LYSMD3: variants seen among roughly 807,000 people sequenced by gnomAD.
LYSMD3 encodes lysM and putative peptidoglycan-binding domain-containing protein 3.
In LYSMD3, 13 loss-of-function variants were observed where a neutral mutation model predicts 26.1. That is an observed-to-expected ratio of 0.50 (90% confidence interval 0.32 to 0.79). The LOEUF (loss-of-function observed/expected upper bound fraction) is 0.79. LYSMD3 is among the 30% of genes least tolerant of loss of function. LYSMD3 has a pLI of 0.03. For synonymous variants in LYSMD3, 109 were observed against 119.4 expected (o/e 0.91, Z 0.57); for missense variants, 331 against 362.5 (o/e 0.91, Z 0.71).
chr5:90,523,597 T>C (rs1753145007), intron 2 of LYSMD3, among the ~76,000 whole-genome samples: 1 of 151,956 alleles, frequency 6.6e-6, no homozygotes, highest in East Asian at 1.9e-4. Flanking sequence ...AAAAAAGAGC[T>C]CTCATACACA....
chr5:90,529,476 G>C lies in LYSMD3; in HGVS notation c.-40C>G, dbSNP rs764794721. On this transcript the variant is annotated 5_prime_UTR_variant, in exon 1 of 3. Transcript: ENST00000315948. ...TCCCCGTTAGCAGGGAGCACTCTGC[G>C]AGAAGATGGCCAAAAGGTCCGCCGC... is the stretch of plus-strand genomic sequence containing the variant. The C allele has an allele frequency of 4.4e-6, 2 of 456,688 alleles. No individual in the cohort carries two copies. The highest frequency in any genetic ancestry group is 3.1e-5 in the South Asian group (2 of 64,572). The allele number at this position is 456,688 out of a possible 1,614,324, so 28.3% of individuals were successfully genotyped here. A position where few individuals can be genotyped will look rare whatever the true frequency, so the allele number is the denominator to read the frequency against.
chr5:90,526,282 G>C (rs1331666257), intron 1 of LYSMD3, among the ~76,000 whole-genome samples: 1 of 152,126 alleles, frequency 6.6e-6, no homozygotes, highest in Non-Finnish European at 1.5e-5. Flanking sequence ...CCAACTTAGA[G>C]TCCTCATCAA....
rs763924148 is a variant in LYSMD3, at chr5:90,519,386, G to A, written c.354C>T (p.Thr118=). 4.1e-5 allele frequency: 66 copies of A among 1,613,718 alleles called. No homozygotes were observed. The highest frequency in any genetic ancestry group is 1.0e-4 in the Admixed American group (6 of 59,978). The change falls in exon 3 of 3, where the codon ACC becomes ACT. Residue 118 remains threonine (T), a synonymous_variant. Coordinates refer to ENST00000315948, the MANE Select transcript of LYSMD3 (RefSeq NM_198273.2). Reference sequence around the variant, plus strand: ...TTCCTTTTGGAGGACAAAGTGTTTCGGTCAAGGAACTGAACTTTTTTACTG... The same window carrying A: ...TTCCTTTTGGAGGACAAAGTGTTTCAGTCAAGGAACTGAACTTTTTTACTG... ...KIPVKKFSSL[T]ETLCPPKGRQ...
chr5:90,519,182 T>C lies in LYSMD3; in HGVS notation c.558A>G (p.Val186=). The part of the protein sequence containing the change: ...DNKRENLNEV[V]SALTAQQMRF... ...GCATTTGTTGTGCTGTTAAGGCCGA[T>C]ACTACCTCATTGAGGTTCTCTCTCT... The change falls in exon 3 of 3, where the codon GTA becomes GTG. Residue 186 remains valine, a synonymous_variant. Coordinates refer to ENST00000315948, the MANE Select transcript of LYSMD3 (RefSeq NM_198273.2). 6.2e-7 allele frequency: 1 copy of C among 1,614,132 alleles called. No individual in the cohort carries two copies. Among genetic ancestry groups the C allele is most frequent in the South Asian group, 1.1e-5 (1 of 91,078 alleles).
At chr5:90,525,343 A>T in intron 1 of LYSMD3, 43 bp from the exon 2 acceptor site, 1 of 1,532,370 alleles carries the variant, frequency 6.5e-7, no homozygotes. Flanking sequence ...AATGTAGCTG[A>T]TCCAACTGAC....
At position 90,518,719 on chromosome 5, in the gene LYSMD3, A is replaced by C; in HGVS notation, c.*100T>G. 1 of 1,217,706 alleles carries C rather than the reference A, an allele frequency of 8.2e-7. No individual in the cohort carries two copies. Among genetic ancestry groups the C allele is most frequent in the Non-Finnish European group, 1.1e-6 (1 of 875,402 alleles). 75.4% of individuals were successfully genotyped at this position (1,217,706 alleles called of 1,614,324 possible). A position where few individuals can be genotyped will look rare whatever the true frequency, so the allele number is the denominator to read the frequency against. On this transcript the variant is annotated 3_prime_UTR_variant, in exon 3 of 3. Transcript: ENST00000315948. ...TTTGTTAAAAACAAAAGCATCCTCA[A>C]TCTCTCTAAATTCTGCCTTTGAAGC...
chr5:90,523,610 C>A (rs1196466975), intron 2 of LYSMD3, among the ~76,000 whole-genome samples: 3 of 152,052 alleles, frequency 2.0e-5, no homozygotes, highest in African/African-American at 4.8e-5. Context: ...CATACACACA[C>A]TTTCCACTTT....
chr5:90,518,946 G>T lies in LYSMD3; in HGVS notation c.794C>A (p.Pro265His). Residue 265 changes from proline (P) to histidine (H), a missense_variant, in exon 3 of 3, where the codon CCC becomes CAC. Physicochemically the swap from Pro to His is moderately conservative, Grantham distance 77 (BLOSUM62 -2). Transcript: ENST00000315948. ...TTCCATTTCTCTCTGCTGTGATGGG[G>T]GTGTGATTTTTGAATGTAAATGTGA... ...DSSHLHSKIT[P>H]PSQQREMENG... 1.2e-6 allele frequency: 2 copies of T among 1,613,906 alleles called. No individual in the cohort carries two copies. The highest frequency in any genetic ancestry group is 1.7e-6 in the Non-Finnish European group (2 of 1,179,920).
intron 1 of LYSMD3, 139 bp downstream of exon 1, chr5:90,529,309 C>A (rs2151923074): frequency 2.3e-6 from 1 of 432,822 alleles, no homozygotes; most frequent in East Asian, 7.1e-5. Context: ...TCGGGGGTGT[C>A]CGCCACACGG....
chr5:90,518,967 T>C lies in LYSMD3; in HGVS notation c.773A>G (p.His258Arg), dbSNP rs1410280890. 1.2e-6 allele frequency: 2 copies of C among 1,613,970 alleles called. No individual in the cohort carries two copies. The highest frequency in any genetic ancestry group is 1.7e-5 in the Admixed American group (1 of 60,006). The stretch of plus-strand genomic sequence containing the variant: ...TGGGGGTGTGATTTTTGAATGTAAA[T>C]GTGAAGAGTCCACTGTTGAATGATG... ...VSHHSTVDSS[H>R]LHSKITPPSQ... Residue 258 changes from histidine to arginine, a missense_variant, in exon 3 of 3, where the codon CAT becomes CGT. Transcript: ENST00000315948.
chr5:90,518,087 T>A lies in LYSMD3; in HGVS notation c.*732A>T, dbSNP rs771143732. 6.6e-6 allele frequency: 1 copy of A among 152,378 alleles called. No homozygotes were observed. Among genetic ancestry groups the A allele is most frequent in the Non-Finnish European group, 1.5e-5 (1 of 67,934 alleles). 9.4% of individuals were successfully genotyped at this position (152,378 alleles called of 1,614,324 possible). On this transcript the variant is annotated 3_prime_UTR_variant, in exon 3 of 3. Transcript: ENST00000315948. The stretch of plus-strand genomic sequence containing the variant: ...TGCTTTCAAATATCAGAGGCAAATA[T>A]AATCATTTTAAAAACAGATGCACAG...
chr5:90,525,433 T>A, intron 1 of LYSMD3, 133 bp from the exon 2 acceptor site: 1 of 951,130 alleles, frequency 1.1e-6, no homozygotes, highest in Non-Finnish European at 1.5e-6. Flanking sequence ...CATTTAGGTT[T>A]AAGTTCGTTT....
At chr5:90,528,426 TTA>T (rs1023483127) in intron 1 of LYSMD3, among the ~76,000 whole-genome samples, 11 of 152,230 alleles carry the variant, frequency 7.2e-5, no homozygotes, top group African/African-American at 2.7e-4. Flanking sequence ...CAAAGCCATT[TTA>T]GATACTTGTT....
Position 90,519,291 on chromosome 5 carries a change from G to C in LYSMD3, c.449C>G (p.Ser150Cys). ...ACCAGCTGAGTCACTGTAAGCAAGA[G>C]AATCATTAGCTGGCAAAATTTCCTG... Reference protein sequence around the residue: ...EQQEILPANDSLAYSDSAGSF... With the variant: ...EQQEILPANDCLAYSDSAGSF... Residue 150 changes from serine (S) to cysteine (C), a missense_variant, in exon 3 of 3, where the codon TCT becomes TGT. By Grantham distance (112) the Ser-to-Cys change is moderately radical (BLOSUM62 -1). This residue lies in a region of LYSMD3 where 262 missense variants were observed against 267.3 expected (regional missense o/e 0.98). Transcript: ENST00000315948. The C allele has an allele frequency of 6.2e-7, 1 of 1,614,030 alleles. No homozygotes were observed.
In LYSMD3 at chr5:90,516,532, C is replaced by T. The variant is rs1752954447; in HGVS notation, c.*2287G>A. The T allele has an allele frequency of 6.6e-6, 1 of 152,026 alleles. No homozygotes were observed. The highest frequency in any genetic ancestry group is 2.4e-5 in the African/African-American group (1 of 41,422). 9.4% of individuals were successfully genotyped at this position (152,026 alleles called of 1,614,324 possible). On this transcript the variant is annotated 3_prime_UTR_variant, in exon 3 of 3. Coordinates refer to ENST00000315948, the MANE Select transcript of LYSMD3 (RefSeq NM_198273.2). ...CTTGTTAGTTATACAAGGTAATTTG[C>T]ATTTGATATAAACTTAACTTACATT...
intron 2 of LYSMD3, among the ~76,000 whole-genome samples, chr5:90,521,516 A>G (rs773678785): frequency 2.7e-4 from 41 of 152,078 alleles, no homozygotes; most frequent in Non-Finnish European, 3.8e-4. Flanking sequence ...GGGTTGAACA[A>G]TAACTAAAAG....
chr5:90,519,509 A>G (rs765461526), intron 2 of LYSMD3, 25 bp from the exon 3 acceptor site: 1 of 1,565,336 alleles, frequency 6.4e-7, no homozygotes, highest in Admixed American at 1.9e-5. Flanking sequence ...AAAAAGCAAC[A>G]TACAACTGAA....
Position 90,518,679 on chromosome 5 carries a change from A to G in LYSMD3, c.*140T>C, listed in dbSNP as rs1753007465. On this transcript the variant is annotated 3_prime_UTR_variant, in exon 3 of 3. Coordinates refer to ENST00000315948, the MANE Select transcript of LYSMD3 (RefSeq NM_198273.2). Reference sequence around the variant, plus strand: ...ACAACTAGTTGCTCAAAAAATTTTCAAAGTGTGAAACCCTTTTGTTAAAAA... The same window carrying G: ...ACAACTAGTTGCTCAAAAAATTTTCGAAGTGTGAAACCCTTTTGTTAAAAA... 1.2e-6 allele frequency: 1 copy of G among 809,730 alleles called. No homozygotes were observed. The highest frequency in any genetic ancestry group is 1.8e-6 in the Non-Finnish European group (1 of 541,682). 50.2% of individuals were successfully genotyped at this position (809,730 alleles called of 1,614,324 possible). A position where few individuals can be genotyped will look rare whatever the true frequency, so the allele number is the denominator to read the frequency against.
Position 90,518,738 on chromosome 5 carries a change from T to G in LYSMD3, c.*81A>C. The G allele has an allele frequency of 7.5e-7, 1 of 1,330,272 alleles. No homozygotes were observed. The highest frequency in any genetic ancestry group is 1.0e-6 in the Non-Finnish European group (1 of 967,856). The allele number at this position is 1,330,272 out of a possible 1,614,324, so 82.4% of individuals were successfully genotyped here. A position where few individuals can be genotyped will look rare whatever the true frequency, so the allele number is the denominator to read the frequency against. ...TCCTCAATCTCTCTAAATTCTGCCT[T>G]TGAAGCTATTATTGGATATAACTGA... On this transcript the variant is annotated 3_prime_UTR_variant, in exon 3 of 3. Coordinates refer to ENST00000315948, the MANE Select transcript of LYSMD3 (RefSeq NM_198273.2).
Sources: gnomAD v4.1 joint callset for allele counts (sites outside exome capture counted in the v4.1 genomes callset) on GRCh38, gnomAD v4.1.1 for gene constraint, gnomAD v4.1.1 regional missense constraint, MANE v1.5 for transcripts, NCBI Gene and HGNC (gene_info 2026-07-23, HGNC 2026-07-21) for gene names.